CCDC30: variants seen among roughly 807,000 people sequenced by gnomAD.
CCDC30 encodes coiled-coil domain-containing protein 30.
In CCDC30, 70 loss-of-function variants were observed where a neutral mutation model predicts 100.2. That is an observed-to-expected ratio of 0.70 (90% CI 0.58 to 0.85). CCDC30 has a LOEUF of 0.85. CCDC30 is among the 40% of genes least tolerant of loss of function. The pLI is 0.00. For missense variants in CCDC30, 652 were observed against 771.2 expected (o/e 0.85, Z 1.83); for synonymous variants, 233 against 269.5 (o/e 0.86, Z 1.33).
intron 7 of CCDC30, among the ~76,000 whole-genome samples, chr1:42,575,378 G>C (rs984382745): frequency 6.6e-6 from 1 of 152,000 alleles, no homozygotes; most frequent in Middle Eastern, 3.4e-3. Flanking sequence ...GGCTGGGTGC[G>C]GTGGCTCACA....
At chr1:42,615,294 GGTTT>G (rs1236747142) in intron 11 of CCDC30, among the ~76,000 whole-genome samples, 1 of 151,984 alleles carries the variant, frequency 6.6e-6, no homozygotes, top group African/African-American at 2.4e-5. Flanking sequence ...CAACTCCTTT[GGTTT>G]GTTTGTTTGT....
chr1:42,616,701 C>A (rs897241288), intron 11 of CCDC30, among the ~76,000 whole-genome samples: 1 of 152,164 alleles, frequency 6.6e-6, no homozygotes, highest in African/African-American at 2.4e-5. Context: ...CAAAAATAAG[C>A]ATAGAAAATC....
At chr1:42,556,221 C>T in intron 6 of CCDC30, 1 of 1,613,758 alleles carries the variant, frequency 6.2e-7, no homozygotes, top group Non-Finnish European at 8.5e-7. Context: ...GGCAGTTTTC[C>T]AAGAGAGGGG....
chr1:42,613,617 T>C (rs538763075), intron 11 of CCDC30, among the ~76,000 whole-genome samples: 252 of 152,264 alleles, frequency 1.7e-3, no homozygotes, highest in Non-Finnish European at 3.0e-3. Flanking sequence ...CTCTTTTTTT[T>C]AGTCTATATA....
intron 7 of CCDC30, among the ~76,000 whole-genome samples, chr1:42,571,899 G>A (rs1428506847): frequency 6.6e-6 from 1 of 152,158 alleles, no homozygotes; most frequent in Non-Finnish European, 1.5e-5. Context: ...GGGTTTAACA[G>A]CACATTATTT....
chr1:42,471,062 G>T (rs527341285), intron 1 of CCDC30, among the ~76,000 whole-genome samples: 73 of 152,320 alleles, frequency 4.8e-4, no homozygotes, highest in Middle Eastern at 6.8e-3. Flanking sequence ...ATTAGCTCAG[G>T]CTGTTGATAA....
intron 10 of CCDC30, among the ~76,000 whole-genome samples, chr1:42,600,593 A>G (rs183948392): frequency 1.3e-5 from 2 of 152,194 alleles, no homozygotes; most frequent in East Asian, 1.9e-4. Context: ...AAATCATGCA[A>G]TGTATGCTCT....
At chr1:42,482,943 A>T (rs1643987363) in intron 3 of CCDC30, 127 bp downstream of exon 3, 1 of 630,058 alleles carries the variant, frequency 1.6e-6, no homozygotes. Context: ...CATAAAAGTG[A>T]TGAACAGCCT....
chr1:42,498,799 G>A lies in CCDC30; in HGVS notation c.358-19G>A. 1.7e-6 allele frequency: 2 copies of A among 1,182,498 alleles called. No individual in the cohort carries two copies. Among genetic ancestry groups the A allele is most frequent in the Non-Finnish European group, 2.1e-6 (2 of 941,014 alleles). The allele number at this position is 1,182,498 out of a possible 1,614,324, so 73.3% of individuals were successfully genotyped here. A position where few individuals can be genotyped will look rare whatever the true frequency, so the allele number is the denominator to read the frequency against. The stretch of plus-strand genomic sequence containing the variant: ...ACAAAAATTGAGAAGTCTACAAGGT[G>A]TTTACTTTTGTATTTAAGGTTGAAA... On this transcript the variant is annotated intron_variant, in intron 5 of 16. Transcript: ENST00000668663.
chr1:42,532,613 C>T (rs1644823299), intron 6 of CCDC30, among the ~76,000 whole-genome samples: 1 of 152,066 alleles, frequency 6.6e-6, no homozygotes, highest in African/African-American at 2.4e-5. Flanking sequence ...CCAATAACAG[C>T]GTTAGAAATA....
At chr1:42,545,456 TA>T in intron 6 of CCDC30, 2 of 1,599,600 alleles carry the variant, frequency 1.3e-6, no homozygotes, top group East Asian at 2.3e-5. Context: ...CATTTTACTC[TA>T]GGGGGAAAAA....
intron 6 of CCDC30, among the ~76,000 whole-genome samples, chr1:42,547,345 T>C (rs541830894): frequency 6.6e-6 from 1 of 152,342 alleles, no homozygotes; most frequent in African/African-American, 2.4e-5. Context: ...GATAGACCAA[T>C]TAATCTATAT....
At chr1:42,594,262 G>A (rs12144684) in intron 10 of CCDC30, 32,660 of 152,188 alleles carry the variant, frequency 0.21, 4,569 homozygotes, top group Non-Finnish European at 0.29. Flanking sequence ...TGATCCCAAC[G>A]ATTTAGGAGG....
intron 6 of CCDC30, among the ~76,000 whole-genome samples, chr1:42,531,894 C>T (rs2148514811): frequency 6.6e-6 from 1 of 152,228 alleles, no homozygotes; most frequent in East Asian, 1.9e-4. Flanking sequence ...AACAGAAATT[C>T]AGAGAGGGTA....
chr1:42,527,752 G>A (rs1434062016), intron 6 of CCDC30, among the ~76,000 whole-genome samples: 3 of 152,220 alleles, frequency 2.0e-5, no homozygotes, highest in African/African-American at 4.8e-5. Context: ...AAAGATTAAT[G>A]ATGTTGAGTA....
At chr1:42,614,778 C>T (rs1646693632) in intron 11 of CCDC30, among the ~76,000 whole-genome samples, 2 of 147,996 alleles carry the variant, frequency 1.4e-5, no homozygotes, top group Admixed American at 6.8e-5. Context: ...CAGAGTAAGA[C>T]TCCATCTCGA....
In CCDC30 at chr1:42,542,578, C is replaced by T. The variant is rs1439825900; in HGVS notation, c.457-23718C>T. 4.5e-5 allele frequency among the ~76,000 whole-genome samples: 5 copies of T among 111,494 alleles called. No individual in the cohort carries two copies. The Admixed American group carries it at 5.7e-4, about 13-fold the overall frequency. The allele number at this position is 111,494 out of a possible 152,430, so 73.1% of individuals were successfully genotyped here. A position where few individuals can be genotyped will look rare whatever the true frequency, so the allele number is the denominator to read the frequency against. The stretch of plus-strand genomic sequence containing the variant: ...TTTTTTTTTGAGACGGAGTCTCGCT[C>T]TGTCGCCCAGGCCGGACTGCGGACT... On this transcript the variant is annotated intron_variant, in intron 6 of 16. Coordinates refer to ENST00000668663, the Ensembl canonical transcript of CCDC30.
At chr1:42,550,473 TA>T (rs1176523044) in intron 6 of CCDC30, among the ~76,000 whole-genome samples, 1 of 152,198 alleles carries the variant, frequency 6.6e-6, no homozygotes, top group Admixed American at 6.5e-5. Flanking sequence ...ACTTGGCCTC[TA>T]CCTACCTCCT....
At chr1:42,471,388 C>T (rs1304612813) in intron 1 of CCDC30, among the ~76,000 whole-genome samples, 2 of 152,172 alleles carry the variant, frequency 1.3e-5, no homozygotes, top group Non-Finnish European at 2.9e-5. Context: ...CTAATTACCT[C>T]ATCAGTTTAT....
Sources: gnomAD v4.1 joint callset for allele counts (sites outside exome capture counted in the v4.1 genomes callset) on GRCh38, gnomAD v4.1.1 for gene constraint, MANE v1.5 for transcripts, NCBI Gene and HGNC (gene_info 2026-07-23, HGNC 2026-07-21) for gene names.